Variants in RAP1GAP2 observed in about 807,000 individuals in gnomAD.
RAP1GAP2 encodes the protein rap1 GTPase-activating protein 2.
RAP1GAP2 carries 27 observed loss-of-function variants against 95.0 expected under a neutral mutation model. That is an observed-to-expected ratio of 0.28 (90% CI 0.21 to 0.39). RAP1GAP2 has a LOEUF of 0.39. RAP1GAP2 is among the 10% of genes least tolerant of loss of function. The pLI is 1.00. For synonymous variants in RAP1GAP2, 373 were observed against 380.9 expected (o/e 0.98, Z 0.24); for missense variants, 771 against 970.0 (o/e 0.79, Z 2.72).
intron 17 of RAP1GAP2, among the ~76,000 whole-genome samples, chr17:3,014,773 T>C (rs2151631568): frequency 6.6e-6 from 1 of 152,220 alleles, no homozygotes; most frequent in African/African-American, 2.4e-5. Context: ...GCCAGGTTGG[T>C]CTCGAACTCC....
intron 3 of RAP1GAP2, among the ~76,000 whole-genome samples, chr17:2,945,881 C>T (rs564713929): frequency 6.6e-6 from 1 of 152,218 alleles, no homozygotes; most frequent in East Asian, 1.9e-4. Context: ...CCTCTTTCCC[C>T]TGGGTGCAAG....
At position 3,027,044 on chromosome 17, in the gene RAP1GAP2, C is replaced by T. The variant is rs746073237; in HGVS notation, c.2081C>T (p.Pro694Leu). Residue 694 changes from proline to leucine, a missense_variant, in exon 22 of 25, where the codon CCG becomes CTG. Pro to Leu is a moderately conservative substitution (Grantham distance 98, BLOSUM62 -3). Transcript: ENST00000254695. The surrounding 1 kb of genome is among the most constrained non-coding windows in gnomAD (Gnocchi z 5.2). ...CCCAGCCTGGGGGCAGCTGCCACCC[C>T]GATCATCATGAGCCGGAGTCCCACA... is the stretch of plus-strand genomic sequence containing the variant. Reference protein sequence around the residue: ...ESPSLGAAATPIIMSRSPTDA... With the variant: ...ESPSLGAAATLIIMSRSPTDA... The T allele has an allele frequency of 2.5e-6, 4 of 1,578,764 alleles. No individual in the cohort carries two copies. The highest frequency in any genetic ancestry group is 2.3e-5 in the South Asian group (2 of 85,630).
chr17:2,991,481 C>T (rs1290972323), intron 12 of RAP1GAP2, 84 bp downstream of exon 12: 84 of 1,042,260 alleles, frequency 8.1e-5, no homozygotes, highest in Middle Eastern at 5.4e-4. Flanking sequence ...TCAGGGAGCA[C>T]GTGTGAGTTA....
intron 1 of RAP1GAP2, among the ~76,000 whole-genome samples, chr17:2,758,197 A>G (rs2071184327): frequency 1.9e-5 from 2 of 106,788 alleles, no homozygotes; most frequent in African/African-American, 3.7e-5. Flanking sequence ...TTTTTTTAAG[A>G]TGAAGTCTAC....
At chr17:2,898,520 C>A (rs917903001) in intron 2 of RAP1GAP2, among the ~76,000 whole-genome samples, 1 of 152,234 alleles carries the variant, frequency 6.6e-6, no homozygotes, top group Admixed American at 6.5e-5. Flanking sequence ...CCATGTCTGT[C>A]CCCTTGGGGC....
Position 3,005,390 on chromosome 17 carries a change from G to A in RAP1GAP2, c.1222G>A (p.Asp408Asn). Residue 408 changes from aspartate (D) to asparagine (N), a missense_variant, in exon 15 of 25, where the codon GAT becomes AAT. Transcript: ENST00000254695. This position sits in a 1 kb window ranked among gnomAD's most constrained non-coding sequence, Gnocchi z 5.2. ...SYKVSVTARE[D>N]VPTFGPPLPS... The stretch of plus-strand genomic sequence containing the variant: ...TCAGGTCTCTGTCACTGCGCGGGAA[G>A]ATGTGCCCACCTTTGGTCCACCTCT... The A allele has an allele frequency of 1.2e-6, 2 of 1,613,936 alleles. No homozygotes were observed. The highest frequency in any genetic ancestry group is 2.2e-5 in the South Asian group (2 of 91,082).
chr17:2,981,516 C>T (rs2045355420), intron 10 of RAP1GAP2, among the ~76,000 whole-genome samples: 1 of 152,294 alleles, frequency 6.6e-6, no homozygotes, highest in Non-Finnish European at 1.5e-5. Flanking sequence ...GTAGCTTCTC[C>T]ACCACACCTC....
chr17:2,769,232 T>TAAAAAAAAAA (rs58436827), intron 1 of RAP1GAP2, among the ~76,000 whole-genome samples: 2 of 42,912 alleles, frequency 4.7e-5, no homozygotes, highest in African/African-American at 9.6e-5. Flanking sequence ...ACCATTTCTC[T>TAAAAAAAAAA]AAAAAAAAAA....
intron 3 of RAP1GAP2, among the ~76,000 whole-genome samples, chr17:2,946,862 C>T (rs190650461): frequency 5.2e-4 from 79 of 152,344 alleles, no homozygotes; most frequent in African/African-American, 1.8e-3. Flanking sequence ...TCAAGTGAAT[C>T]TCCTGCCTCA....
chr17:3,003,985 A>G lies in RAP1GAP2; in HGVS notation c.1201-1384A>G, dbSNP rs1567882834. Reference sequence around the variant, plus strand: ...GCCACTTACACGGTCGGCACAGACCACTCTAATGCAGGCTGGAGGAGGAGG... The same window carrying G: ...GCCACTTACACGGTCGGCACAGACCGCTCTAATGCAGGCTGGAGGAGGAGG... On this transcript the variant is annotated intron_variant, in intron 14 of 24. Coordinates refer to ENST00000254695, the MANE Select transcript of RAP1GAP2 (RefSeq NM_015085.5). The surrounding 1 kb of genome is among the most constrained non-coding windows in gnomAD (Gnocchi z 4.1). Among the ~76,000 whole-genome samples, 1 of 151,216 alleles carries G rather than the reference A, an allele frequency of 6.6e-6. No homozygotes were observed. Among genetic ancestry groups the G allele is most frequent in the Non-Finnish European group, 1.5e-5 (1 of 67,856 alleles).
At chr17:2,793,750 C>T (rs1448684441), upstream of RAP1GAP2, among the ~76,000 whole-genome samples, 1 of 152,350 alleles carries the variant, frequency 6.6e-6, no homozygotes, top group East Asian at 1.9e-4. Flanking sequence ...CTCCTATACC[C>T]GGGGTCAGCT....
In RAP1GAP2 at chr17:3,008,201, G is replaced by A; in HGVS notation, c.1494+56G>A. 6.2e-7 allele frequency: 1 copy of A among 1,607,966 alleles called. No individual in the cohort carries two copies. The highest frequency in any genetic ancestry group is 8.5e-7 in the Non-Finnish European group (1 of 1,176,240). On this transcript the variant is annotated intron_variant, in intron 17 of 24. Coordinates refer to ENST00000254695, the MANE Select transcript of RAP1GAP2 (RefSeq NM_015085.5). The surrounding 1 kb of genome is among the most constrained non-coding windows in gnomAD (Gnocchi z 4.2). ...GTGGGGTTGGGATTGGGGAAGAAAG[G>A]AAGTGGTCCAAGGTCCATGGGATAC...
At chr17:2,865,043 T>C (rs2072566982) in intron 2 of RAP1GAP2, among the ~76,000 whole-genome samples, 1 of 152,024 alleles carries the variant, frequency 6.6e-6, no homozygotes, top group African/African-American at 2.4e-5. Flanking sequence ...AAAGCTGAGG[T>C]TCAAAAGGGA....
chr17:2,911,217 A>G (rs535377559), intron 3 of RAP1GAP2, among the ~76,000 whole-genome samples: 71 of 143,212 alleles, frequency 5.0e-4, no homozygotes, highest in Admixed American at 2.4e-3. Context: ...TACCCGACCT[A>G]TACGCACCCT....
At chr17:2,826,377 C>T (rs912357112) in intron 2 of RAP1GAP2, among the ~76,000 whole-genome samples, 1 of 151,840 alleles carries the variant, frequency 6.6e-6, no homozygotes, top group South Asian at 2.1e-4. Context: ...GTTTGAGAAG[C>T]GGTGAGCCAG....
At chr17:2,979,453 G>A (rs993327223) in intron 8 of RAP1GAP2, among the ~76,000 whole-genome samples, 3 of 145,576 alleles carry the variant, frequency 2.1e-5, no homozygotes, top group Non-Finnish European at 4.5e-5. Flanking sequence ...TATATCAGGC[G>A]TGTTCTGTTT....
At chr17:3,030,889 C>G (rs1182048722) in intron 22 of RAP1GAP2, 33 bp from the exon 23 acceptor site, 8 of 1,573,290 alleles carry the variant, frequency 5.1e-6, no homozygotes, top group Non-Finnish European at 6.9e-6. Context: ...CTCCACAGCT[C>G]CACCCTCCTT....
chr17:2,963,373 T>G lies in RAP1GAP2; in HGVS notation c.247-57T>G, dbSNP rs2044427722. The G allele has an allele frequency of 6.2e-7, 1 of 1,606,588 alleles. No individual in the cohort carries two copies. Among genetic ancestry groups the G allele is most frequent in the Non-Finnish European group, 8.5e-7 (1 of 1,174,446 alleles). On this transcript the variant is annotated intron_variant, in intron 5 of 24. Coordinates refer to ENST00000254695, the MANE Select transcript of RAP1GAP2 (RefSeq NM_015085.5). The surrounding 1 kb of genome is among the most constrained non-coding windows in gnomAD (Gnocchi z 4.8). Reference sequence around the variant, plus strand: ...CCCTTGCAAGACCTGGAAACAGTGGTCAGACTTTACGGGCACTGCCGGGAC... The same window carrying G: ...CCCTTGCAAGACCTGGAAACAGTGGGCAGACTTTACGGGCACTGCCGGGAC...
chr17:2,957,143 G>A (rs9747997), intron 3 of RAP1GAP2, among the ~76,000 whole-genome samples: 63 of 143,894 alleles, frequency 4.4e-4, no homozygotes, highest in Middle Eastern at 3.6e-3. Flanking sequence ...AAAAAAAAAA[G>A]AAAAAAAAAA....
Sources: allele counts gnomAD v4.1 joint callset (sites outside exome capture counted in the v4.1 genomes callset), GRCh38; gene constraint gnomAD v4.1.1; non-coding constraint Gnocchi (gnomAD v3.1); transcripts MANE v1.5; gene names NCBI Gene and HGNC (gene_info 2026-07-23, HGNC 2026-07-21).